The following CPNE8 variants were observed in gnomAD, a reference collection of about 807,000 sequenced individuals.
CPNE8 encodes copine 8.
A neutral mutation model predicts 81.5 loss-of-function variants in CPNE8; 45 were observed. The ratio of observed to expected loss-of-function variants is 0.55; its 90% confidence interval spans 0.44 to 0.71. CPNE8 has a LOEUF of 0.71. Ranked by LOEUF, CPNE8 falls within the 30% of genes least tolerant of loss-of-function variation. The pLI, the probability that CPNE8 is intolerant of heterozygous loss-of-function variation, is 0.00. For missense variants in CPNE8, 594 were observed against 672.1 expected (o/e 0.88, Z 1.28); for synonymous variants, 252 against 226.3 (o/e 1.11, Z -1.02).
At chr12:38,795,436 C>T (rs1040877606) in intron 6 of CPNE8, among the ~76,000 whole-genome samples, 13 of 152,170 alleles carry the variant, frequency 8.5e-5, no homozygotes, top group Non-Finnish European at 1.5e-4. Context: ...ATGTTAATAG[C>T]GGCACTATTC....
chr12:38,731,851 A>C (rs1940838683), intron 10 of CPNE8, among the ~76,000 whole-genome samples: 1 of 151,958 alleles, frequency 6.6e-6, no homozygotes. Flanking sequence ...AACACATAAA[A>C]TAATTCTCTT....
intron 13 of CPNE8, among the ~76,000 whole-genome samples, chr12:38,718,665 A>T (rs1940471365): frequency 6.6e-6 from 1 of 152,206 alleles, no homozygotes. Context: ...TACGTATATC[A>T]TTAAATCCAA....
intron 5 of CPNE8, among the ~76,000 whole-genome samples, chr12:38,833,520 C>G (rs1943330547): frequency 7.1e-6 from 1 of 141,002 alleles, no homozygotes; most frequent in Non-Finnish European, 1.5e-5. Context: ...GCTCTGTTGC[C>G]CAGCCTGGAG....
At chr12:38,689,766 C>T (rs1352292617) in intron 15 of CPNE8, among the ~76,000 whole-genome samples, 2 of 152,154 alleles carry the variant, frequency 1.3e-5, no homozygotes, top group African/African-American at 2.4e-5. Flanking sequence ...CATGGAAGAC[C>T]TTCTTTTAAG....
intron 13 of CPNE8, among the ~76,000 whole-genome samples, chr12:38,716,461 G>A (rs1328896410): frequency 6.6e-6 from 1 of 151,982 alleles, no homozygotes; most frequent in Non-Finnish European, 1.5e-5. Context: ...CATAGATCAA[G>A]GAACAGAACA....
chr12:38,862,823 C>A (rs1250269146), intron 3 of CPNE8, among the ~76,000 whole-genome samples: 1 of 152,148 alleles, frequency 6.6e-6, no homozygotes, highest in Non-Finnish European at 1.5e-5. Context: ...GTGGCACACA[C>A]CTGAAGTCCC....
chr12:38,674,505 C>A (rs1939246751), intron 18 of CPNE8, among the ~76,000 whole-genome samples: 1 of 152,100 alleles, frequency 6.6e-6, no homozygotes, highest in South Asian at 2.1e-4. Context: ...ATCAAGTGTG[C>A]AAAGCATGGA....
intron 1 of CPNE8, 61 bp from the exon 2 acceptor site, chr12:38,874,572 G>C: frequency 9.4e-7 from 1 of 1,059,230 alleles, no homozygotes; most frequent in Non-Finnish European, 1.4e-6. Flanking sequence ...TATTTATATA[G>C]ACATATTAAA....
intron 12 of CPNE8, among the ~76,000 whole-genome samples, chr12:38,724,635 A>G (rs11169268): frequency 0.1 from 15,622 of 152,150 alleles, 1,010 homozygotes; most frequent in East Asian, 0.24. Context: ...ATAATCTACA[A>G]GAAGCCAAGT....
intron 14 of CPNE8, among the ~76,000 whole-genome samples, chr12:38,702,503 T>C (rs562905508): frequency 3.9e-5 from 6 of 152,236 alleles, no homozygotes; most frequent in South Asian, 2.1e-4. Flanking sequence ...AAAATGAGGA[T>C]TATAACTTAA....
chr12:38,796,504 G>C (rs912904374), intron 6 of CPNE8, among the ~76,000 whole-genome samples: 1 of 152,128 alleles, frequency 6.6e-6, no homozygotes, highest in Non-Finnish European at 1.5e-5. Flanking sequence ...TACTCTGGGA[G>C]ATGTTTTCAA....
chr12:38,895,637 A>G (rs1442884210), intron 1 of CPNE8, among the ~76,000 whole-genome samples: 1 of 152,120 alleles, frequency 6.6e-6, no homozygotes, highest in Non-Finnish European at 1.5e-5. Flanking sequence ...TCTCACCAGT[A>G]GGGAACAGAA....
chr12:38,895,163 C>G (rs1018626094), intron 1 of CPNE8, among the ~76,000 whole-genome samples: 1 of 152,048 alleles, frequency 6.6e-6, no homozygotes, highest in Non-Finnish European at 1.5e-5. Flanking sequence ...ACTCATGCCA[C>G]AATTCATATA....
chr12:38,756,001 C>G (rs1249419925), intron 10 of CPNE8, among the ~76,000 whole-genome samples: 1 of 134,682 alleles, frequency 7.4e-6, no homozygotes, highest in Non-Finnish European at 1.6e-5. Context: ...GATCCCGCCA[C>G]TGCACTCCAG....
intron 5 of CPNE8, 114 bp downstream of exon 5, chr12:38,839,802 G>A (rs1252310496): frequency 5.2e-6 from 5 of 957,770 alleles, no homozygotes; most frequent in Non-Finnish European, 7.0e-6. Context: ...TATTTTCTAT[G>A]ACAATCACGT....
At chr12:38,754,700 T>A (rs762291868) in intron 10 of CPNE8, among the ~76,000 whole-genome samples, 1 of 151,742 alleles carries the variant, frequency 6.6e-6, no homozygotes, top group African/African-American at 2.4e-5. Context: ...GGACAAAAAA[T>A]TCACAAGCTA....
intron 3 of CPNE8, among the ~76,000 whole-genome samples, chr12:38,862,369 A>G (rs1025211183): frequency 1.1e-4 from 17 of 152,110 alleles, no homozygotes; most frequent in Non-Finnish European, 2.4e-4. Context: ...ATGGAGAAGC[A>G]TGTCTTTTAT....
At chr12:38,658,047 G>A (rs1279620523) in intron 19 of CPNE8, among the ~76,000 whole-genome samples, 1 of 152,152 alleles carries the variant, frequency 6.6e-6, no homozygotes, top group Non-Finnish European at 1.5e-5. Flanking sequence ...TGGAGAATGA[G>A]TTTGACGAGT....
rs145573134 is a variant in CPNE8, at chr12:38,857,412, T to G, written c.187-8750A>C. On this transcript the variant is annotated intron_variant, in intron 3 of 19. Coordinates refer to ENST00000331366, the MANE Select transcript of CPNE8 (RefSeq NM_153634.3). ...GACTTTCACTTCCAGAAAGATGGAG[T>G]CGTTTCTCTATTTTTCTTGCAAAGT... Among the ~76,000 whole-genome samples the G allele has an allele frequency of 4.6e-5, 7 of 151,516 alleles. No individual in the cohort carries two copies. The East Asian group carries it at 1.4e-3, about 29-fold the overall frequency.
Sources: allele counts gnomAD v4.1 joint callset (sites outside exome capture counted in the v4.1 genomes callset), GRCh38; gene constraint gnomAD v4.1.1; transcripts MANE v1.5; gene names NCBI Gene and HGNC (gene_info 2026-07-23, HGNC 2026-07-21).